NBPF3: variants seen among roughly 807,000 people sequenced by gnomAD.
NBPF3 encodes NBPF member 3.
In NBPF3, 57 loss-of-function variants were observed where a neutral mutation model predicts 78.1. The observed-to-expected ratio is 0.73, with a 90% CI of 0.59 to 0.91. The LOEUF (loss-of-function observed/expected upper bound fraction) is 0.91, where lower values mean the gene tolerates loss of function less well. Ranked by LOEUF, NBPF3 falls within the 40% of genes least tolerant of loss-of-function variation. NBPF3 has a pLI of 0.00. For synonymous variants in NBPF3, 182 were observed against 271.7 expected, an observed-to-expected ratio of 0.67 and a Z score of 3.25; for missense variants, 510 against 715.3, an observed-to-expected ratio of 0.71 and a Z score of 3.27.
At chr1:21,471,990 C>T (rs547600714) in intron 5 of NBPF3, among the ~76,000 whole-genome samples, 21 of 152,252 alleles carry the variant, frequency 1.4e-4, no homozygotes, top group Non-Finnish European at 2.4e-4. Context: ...TTTCAAATGT[C>T]CCTCCTCCCT....
intron 1 of NBPF3, among the ~76,000 whole-genome samples, chr1:21,444,066 A>AT (rs1445449151): frequency 6.6e-6 from 1 of 152,040 alleles, no homozygotes; most frequent in Non-Finnish European, 1.5e-5. Context: ...GCAATTAGAG[A>AT]TTTTGTCTCT....
intron 1 of NBPF3, among the ~76,000 whole-genome samples, chr1:21,442,985 A>T (rs1640748400): frequency 6.6e-6 from 1 of 152,092 alleles, no homozygotes; most frequent in Admixed American, 6.5e-5. Flanking sequence ...TACTACATGG[A>T]TGTGTCTGCT....
chr1:21,482,091 C>G (rs1292680233), intron 13 of NBPF3, among the ~76,000 whole-genome samples: 2 of 150,536 alleles, frequency 1.3e-5, no homozygotes, highest in Non-Finnish European at 3.0e-5. Context: ...CTTTCTCACT[C>G]TAATTTCAGT....
At chr1:21,438,775 C>G (rs6668141), upstream of NBPF3, among the ~76,000 whole-genome samples, 132,682 of 152,196 alleles carry the variant, frequency 0.87, 60,141 homozygotes, top group Non-Finnish European at 0.99. Flanking sequence ...TTCCCTAGGG[C>G]CTGGGGTGAG....
chr1:21,472,246 C>T (rs72659136), intron 5 of NBPF3, among the ~76,000 whole-genome samples: 3,666 of 152,292 alleles, frequency 0.024, 80 homozygotes, highest in East Asian at 0.094. Context: ...TCTGAAGCAT[C>T]CAAATGTGGG....
At chr1:21,457,676 A>G (rs950395908) in intron 2 of NBPF3, among the ~76,000 whole-genome samples, 1 of 152,248 alleles carries the variant, frequency 6.6e-6, no homozygotes, top group African/African-American at 2.4e-5. Flanking sequence ...TATACTTGGA[A>G]TGAAAAATGG....
At position 21,484,341 on chromosome 1, in the gene NBPF3, T is replaced by G. The variant is rs1181923370; in HGVS notation, c.*955T>G. The G allele has an allele frequency of 7.2e-6, 1 of 138,552 alleles. No homozygotes were observed. The highest frequency in any genetic ancestry group is 2.7e-5 in the African/African-American group (1 of 37,448). The allele number at this position is 138,552 out of a possible 1,614,324, so 8.6% of individuals were successfully genotyped here. On this transcript the variant is annotated 3_prime_UTR_variant, in exon 15 of 15. Coordinates refer to ENST00000318249, the MANE Select transcript of NBPF3 (RefSeq NM_032264.6). ...TTTGAACCCCAAATATTTCCTCATC[T>G]TTTTGTTGTTGTCATTGATTTTGGT... is the stretch of plus-strand genomic sequence containing the variant.
At chr1:21,444,279 T>C (rs1369818809) in intron 1 of NBPF3, among the ~76,000 whole-genome samples, 1 of 152,204 alleles carries the variant, frequency 6.6e-6, no homozygotes, top group Admixed American at 6.5e-5. Flanking sequence ...GAAATGTCAA[T>C]GAAAAATAAA....
intron 2 of NBPF3, among the ~76,000 whole-genome samples, chr1:21,448,843 C>T (rs1351162595): frequency 6.6e-6 from 1 of 152,196 alleles, no homozygotes; most frequent in African/African-American, 2.4e-5. Flanking sequence ...CCTGTGACCT[C>T]AATTCTCTGG....
rs367759392 is a variant in NBPF3, at chr1:21,470,751, G to C, written c.446+17G>C. ...GGAGCTCAGGTGAGTGGGCCCCCTG[G>C]GGTCAGGCAGGTGGGCAGGTGTGTA... is the stretch of plus-strand genomic sequence containing the variant. On this transcript the variant is annotated intron_variant, in intron 4 of 14. Coordinates refer to ENST00000318249, the MANE Select transcript of NBPF3 (RefSeq NM_032264.6). 2 of 1,558,084 alleles carry C rather than the reference G, an allele frequency of 1.3e-6. No homozygotes were observed. The highest frequency in any genetic ancestry group is 2.7e-5 in the African/African-American group (2 of 73,676).
intron 8 of NBPF3, among the ~76,000 whole-genome samples, chr1:21,477,014 A>G (rs1471255770): frequency 6.6e-6 from 1 of 151,964 alleles, no homozygotes; most frequent in Non-Finnish European, 1.5e-5. Flanking sequence ...TTCTCACTTC[A>G]TTTCATTAAT....
chr1:21,455,218 ATCTG>A (rs1641531857), intron 2 of NBPF3, among the ~76,000 whole-genome samples: 1 of 152,236 alleles, frequency 6.6e-6, no homozygotes, highest in South Asian at 2.1e-4. Flanking sequence ...TCATCAGATA[ATCTG>A]TCTATCTTAA....
chr1:21,457,208 G>T (rs1569983710), intron 2 of NBPF3, among the ~76,000 whole-genome samples: 3 of 151,776 alleles, frequency 2.0e-5, no homozygotes, highest in East Asian at 3.9e-4. Flanking sequence ...GTGTGGGTGG[G>T]TGTGGGTGTG....
chr1:21,484,451 T>G lies in NBPF3; in HGVS notation c.*1065T>G, dbSNP rs2148031998. The G allele has an allele frequency of 1.0e-5, 1 of 97,182 alleles. No individual in the cohort carries two copies. Among genetic ancestry groups the G allele is most frequent in the Admixed American group, 1.3e-4 (1 of 7,900 alleles). 6.0% of individuals were successfully genotyped at this position (97,182 alleles called of 1,614,324 possible). A position where few individuals can be genotyped will look rare whatever the true frequency, so the allele number is the denominator to read the frequency against. ...AGTTGTCTGAAAATGTCTTCATGAT[T>G]AAATTCAGCCTAAACGTTTCATCAA... On this transcript the variant is annotated 3_prime_UTR_variant, in exon 15 of 15. Coordinates refer to ENST00000318249, the MANE Select transcript of NBPF3 (RefSeq NM_032264.6).
intron 1 of NBPF3, among the ~76,000 whole-genome samples, chr1:21,443,366 T>G (rs1391808385): frequency 6.6e-6 from 1 of 152,184 alleles, no homozygotes; most frequent in Non-Finnish European, 1.5e-5. Flanking sequence ...CACTGTGACT[T>G]CAATTAGATG....
chr1:21,466,887 T>C (rs1173115467), intron 2 of NBPF3: 1 of 661,740 alleles, frequency 1.5e-6, no homozygotes, highest in Non-Finnish European at 1.9e-6. Context: ...AAATGCCTTG[T>C]ACGAATTGGT....
chr1:21,477,125 A>T (rs1439879938), intron 8 of NBPF3, among the ~76,000 whole-genome samples: 2 of 152,184 alleles, frequency 1.3e-5, no homozygotes, highest in African/African-American at 2.4e-5. Context: ...TTTCAGCTCC[A>T]TCAGGTCATT....
intron 1 of NBPF3, among the ~76,000 whole-genome samples, chr1:21,441,590 C>A (rs539767598): frequency 6.6e-6 from 1 of 151,652 alleles, no homozygotes; most frequent in African/African-American, 2.4e-5. Flanking sequence ...GCCTGTAGTC[C>A]CAGCTACCCG....
rs991449422 is a variant in NBPF3, at chr1:21,460,601, C to A, written c.134-8087C>A. On this transcript the variant is annotated intron_variant, in intron 2 of 14. Coordinates refer to ENST00000318249, the MANE Select transcript of NBPF3 (RefSeq NM_032264.6). The surrounding 1 kb of genome is among the most constrained non-coding windows in gnomAD (Gnocchi z 4.2). Reference sequence around the variant, plus strand: ...GGTTTTAAAAAGTTAATATTAACCACTCTTCATCATACACTGAAATTAACT... The same window carrying A: ...GGTTTTAAAAAGTTAATATTAACCAATCTTCATCATACACTGAAATTAACT... Among the ~76,000 whole-genome samples the A allele has an allele frequency of 6.6e-6, 1 of 152,178 alleles. No homozygotes were observed. The highest frequency in any genetic ancestry group is 1.5e-5 in the Non-Finnish European group (1 of 68,028).
Sources: gnomAD v4.1 joint callset for allele counts (sites outside exome capture counted in the v4.1 genomes callset) on GRCh38, gnomAD v4.1.1 for gene constraint, Gnocchi (gnomAD v3.1) non-coding constraint, MANE v1.5 for transcripts, NCBI Gene and HGNC (gene_info 2026-07-23, HGNC 2026-07-21) for gene names.